The following FBXL7 variants were observed in gnomAD, a reference collection of about 807,000 sequenced individuals.
FBXL7 encodes the protein F-box/LRR-repeat protein 7.
Under a neutral mutation model 38.3 loss-of-function variants are expected in FBXL7, and 12 were observed. That is an observed-to-expected ratio of 0.31 (90% CI 0.20 to 0.51). The LOEUF is 0.51. Among genes scored for constraint, FBXL7 ranks in the 20% least tolerant of loss-of-function variants. The pLI is 0.98. For missense variants in FBXL7, 567 were observed against 676.4 expected (o/e 0.84, Z 1.79); for synonymous variants, 297 against 300.9 (o/e 0.99, Z 0.13).
intron 2 of FBXL7, among the ~76,000 whole-genome samples, chr5:15,619,672 G>A (rs886541913): frequency 1.3e-5 from 2 of 152,168 alleles, no homozygotes; most frequent in Non-Finnish European, 2.9e-5. Context: ...TAGTTTAAAG[G>A]TCTGAATGGT....
chr5:15,887,889 T>G (rs1159897005), intron 2 of FBXL7, among the ~76,000 whole-genome samples: 1 of 152,200 alleles, frequency 6.6e-6, no homozygotes, highest in African/African-American at 2.4e-5. Context: ...TTTCTTGGAT[T>G]CTTTGCTCCG....
At chr5:15,586,119 A>G (rs1231468851) in intron 1 of FBXL7, among the ~76,000 whole-genome samples, 2 of 152,030 alleles carry the variant, frequency 1.3e-5, no homozygotes, top group Admixed American at 1.3e-4. Context: ...TTTTCTTTCC[A>G]TGTTTGCTCT....
intron 2 of FBXL7, among the ~76,000 whole-genome samples, chr5:15,728,946 C>G (rs1735495232): frequency 2.0e-5 from 3 of 152,114 alleles, no homozygotes; most frequent in Admixed American, 2.0e-4. Flanking sequence ...TGACTTCACC[C>G]TTACGTAATC....
chr5:15,517,523 C>T (rs1736975244), intron 1 of FBXL7, among the ~76,000 whole-genome samples: 1 of 151,988 alleles, frequency 6.6e-6, no homozygotes, highest in African/African-American at 2.4e-5. Flanking sequence ...GACAAGGAGG[C>T]GGGAACCAGT....
chr5:15,501,932 T>TTG (rs1275947350), intron 1 of FBXL7, among the ~76,000 whole-genome samples: 1 of 136,364 alleles, frequency 7.3e-6, no homozygotes, highest in African/African-American at 3.0e-5. Flanking sequence ...GTGATTTGAG[T>TTG]TTTTTTTTTT....
Position 15,888,450 on chromosome 5 carries a change from A to C in FBXL7, c.128-39440A>C, listed in dbSNP as rs542669560. Among the ~76,000 whole-genome samples, 20 of 152,078 alleles carry C rather than the reference A, an allele frequency of 1.3e-4. 1 individual carries two copies. In the South Asian group the frequency reaches 2.9e-3, roughly 22 times the overall value. Reference sequence around the variant, plus strand: ...CACCGTGTTGGCCAGGCTGGTCTCGAACTCCTGACCTCAAGTGATCTGCCG... The same window carrying C: ...CACCGTGTTGGCCAGGCTGGTCTCGCACTCCTGACCTCAAGTGATCTGCCG... On this transcript the variant is annotated intron_variant, in intron 2 of 3. Coordinates refer to ENST00000504595, the MANE Select transcript of FBXL7 (RefSeq NM_012304.5).
intron 2 of FBXL7, among the ~76,000 whole-genome samples, chr5:15,678,986 A>G (rs1742751035): frequency 6.6e-6 from 1 of 152,220 alleles, no homozygotes; most frequent in Non-Finnish European, 1.5e-5. Context: ...TTTGATTTCT[A>G]GTCTTCATTT....
chr5:15,764,335 A>C (rs1291341587), intron 2 of FBXL7, among the ~76,000 whole-genome samples: 1 of 152,240 alleles, frequency 6.6e-6, no homozygotes, highest in African/African-American at 2.4e-5. Context: ...CAATTAGATT[A>C]AATGAAAATG....
intron 1 of FBXL7, among the ~76,000 whole-genome samples, chr5:15,603,821 C>T (rs1282616166): frequency 1.3e-5 from 2 of 152,178 alleles, no homozygotes; most frequent in Admixed American, 6.5e-5. Flanking sequence ...TTTCAGCCTT[C>T]TGCTACCTTC....
intron 2 of FBXL7, among the ~76,000 whole-genome samples, chr5:15,926,343 ATATAT>A: frequency 6.8e-6 from 1 of 148,100 alleles, no homozygotes; most frequent in East Asian, 2.0e-4. Context: ...ATATTATTAA[ATATAT>A]TATTTATATA....
chr5:15,686,684 T>C (rs1011664133), intron 2 of FBXL7, among the ~76,000 whole-genome samples: 1 of 152,246 alleles, frequency 6.6e-6, no homozygotes, highest in Admixed American at 6.5e-5. Context: ...ATTTTCAATG[T>C]AATTTAGAAG....
intron 2 of FBXL7, among the ~76,000 whole-genome samples, chr5:15,847,928 C>T (rs1275102397): frequency 1.3e-5 from 2 of 152,182 alleles, no homozygotes; most frequent in South Asian, 2.1e-4. Context: ...CTTCTAACAA[C>T]ACCTAAGTTT....
chr5:15,745,685 T>C (rs1192009217), intron 2 of FBXL7, among the ~76,000 whole-genome samples: 1 of 152,086 alleles, frequency 6.6e-6, no homozygotes, highest in Non-Finnish European at 1.5e-5. Flanking sequence ...AGGAGTGTGC[T>C]TAGGGTGTTT....
chr5:15,797,473 T>C (rs957145048), intron 2 of FBXL7, among the ~76,000 whole-genome samples: 1 of 152,184 alleles, frequency 6.6e-6, no homozygotes, highest in African/African-American at 2.4e-5. Flanking sequence ...CAGTTAGCAA[T>C]AGGATCTCCC....
At chr5:15,756,829 G>A (rs1256872155) in intron 2 of FBXL7, among the ~76,000 whole-genome samples, 1 of 152,092 alleles carries the variant, frequency 6.6e-6, no homozygotes, top group Non-Finnish European at 1.5e-5. Context: ...CTTAAGCATT[G>A]TTTAATACTA....
chr5:15,694,357 C>T (rs1484586794), intron 2 of FBXL7, among the ~76,000 whole-genome samples: 3 of 152,204 alleles, frequency 2.0e-5, no homozygotes, highest in South Asian at 2.1e-4. Context: ...GGGCAGTTAA[C>T]ACCAGTGTTA....
At chr5:15,559,126 AG>A (rs1178351111) in intron 1 of FBXL7, among the ~76,000 whole-genome samples, 1 of 152,224 alleles carries the variant, frequency 6.6e-6, no homozygotes, top group Non-Finnish European at 1.5e-5. Context: ...TTTGGGGAGA[AG>A]AATGCACAGG....
Position 15,903,558 on chromosome 5 carries a change from G to GT in FBXL7, c.128-24324dup, listed in dbSNP as rs983488974. 7.2e-4 allele frequency among the ~76,000 whole-genome samples: 109 copies of GT among 151,968 alleles called. 1 individual carries two copies. Among genetic ancestry groups the GT allele is most frequent in the African/African-American group, 2.3e-3 (94 of 41,458 alleles). ...GCTTTTAGTTCTTAATTTTAATAGA[G>GT]TTTTTTTTGGAATATCCTTTAAAGG... On this transcript the variant is annotated intron_variant, in intron 2 of 3. Transcript: ENST00000504595.
chr5:15,514,106 G>A (rs1464841134), intron 1 of FBXL7, among the ~76,000 whole-genome samples: 1 of 152,112 alleles, frequency 6.6e-6, no homozygotes, highest in African/African-American at 2.4e-5. Flanking sequence ...AATAAAAACA[G>A]GAAAAGGATC....
Sources: gnomAD v4.1 joint callset for allele counts (sites outside exome capture counted in the v4.1 genomes callset) on GRCh38, gnomAD v4.1.1 for gene constraint, MANE v1.5 for transcripts, NCBI Gene and HGNC (gene_info 2026-07-23, HGNC 2026-07-21) for gene names.